DHX30: variants seen among roughly 807,000 people sequenced by gnomAD.
DHX30 encodes ATP-dependent RNA helicase DHX30.
DHX30 carries 4 observed loss-of-function variants against 116.9 expected under a neutral mutation model. The observed-to-expected ratio is 0.03, with a 90% CI of 0.02 to 0.08. DHX30 has a LOEUF of 0.08. DHX30 is among the 10% of genes least tolerant of loss of function. DHX30 has a pLI of 1.00. For missense variants in DHX30, 871 were observed against 1,595.1 expected, an observed-to-expected ratio of 0.55 and a Z score of 7.73; for synonymous variants, 697 against 651.7, an observed-to-expected ratio of 1.07 and a Z score of -1.06.
At chr3:47,839,126 G>T (rs528145887) in intron 6 of DHX30, among the ~76,000 whole-genome samples, 4 of 151,936 alleles carry the variant, frequency 2.6e-5, no homozygotes, top group African/African-American at 4.8e-5. Flanking sequence ...ATGTTGCTGC[G>T]TACATGCTAG....
At chr3:47,822,378 A>C (rs2036334891) in intron 4 of DHX30, 1 of 152,900 alleles carries the variant, frequency 6.5e-6, no homozygotes, top group East Asian at 1.9e-4. Context: ...TAAAGAAAAA[A>C]AGGTTTAATG....
In DHX30 at chr3:47,848,034, C is replaced by T. The variant is rs1559723256; in HGVS notation, c.2286+78C>T. ...GAGGTGGTCCCCAGCCCAGATCTACCTTAGACCTGCTTTGTGTGTCTTCAG... is the reference window on the plus strand; with the variant it reads ...GAGGTGGTCCCCAGCCCAGATCTACTTTAGACCTGCTTTGTGTGTCTTCAG... On this transcript the variant is annotated intron_variant, in intron 14 of 21. Coordinates refer to ENST00000445061, the MANE Select transcript of DHX30 (RefSeq NM_138615.3). The surrounding 1 kb of genome is among the most constrained non-coding windows in gnomAD (Gnocchi z 9.4). The T allele has an allele frequency of 6.3e-7, 1 of 1,590,442 alleles. No individual in the cohort carries two copies. Among genetic ancestry groups the T allele is most frequent in the Non-Finnish European group, 8.6e-7 (1 of 1,164,104 alleles).
chr3:47,824,330 T>C (rs1195107844), intron 4 of DHX30, among the ~76,000 whole-genome samples: 1 of 152,076 alleles, frequency 6.6e-6, no homozygotes, highest in East Asian at 1.9e-4. Context: ...TGCTGGACTT[T>C]ACGCTGGACC....
chr3:47,846,686 T>C lies in DHX30; in HGVS notation c.1614T>C (p.Gly538=). The change falls in exon 11 of 22, where the codon GGT becomes GGC. Residue 538 remains glycine, a synonymous_variant. Coordinates refer to ENST00000445061, the MANE Select transcript of DHX30 (RefSeq NM_138615.3). ...GGGCCCTGCTCTTCTGCACTGTGGG[T>C]ATCCTGCTGCGTAAGCTGCAGAGCA... ...RGGALLFCTV[G]ILLRKLQSNP... is the part of the protein sequence containing the mutation. 1 of 1,614,008 alleles carries C rather than the reference T, an allele frequency of 6.2e-7. No homozygotes were observed. Among genetic ancestry groups the C allele is most frequent in the Non-Finnish European group, 8.5e-7 (1 of 1,180,016 alleles).
At chr3:47,823,199 C>T (rs995450623) in intron 4 of DHX30, among the ~76,000 whole-genome samples, 1 of 151,798 alleles carries the variant, frequency 6.6e-6, no homozygotes, top group Non-Finnish European at 1.5e-5. Context: ...ATGGGAGAAA[C>T]CACCCCCATG....
At chr3:47,831,302 C>G (rs2107051573) in intron 6 of DHX30, among the ~76,000 whole-genome samples, 1 of 152,134 alleles carries the variant, frequency 6.6e-6, no homozygotes, top group Admixed American at 6.5e-5. Flanking sequence ...CCTGTGTGAA[C>G]TAACAGGGCA....
At chr3:47,841,843 C>CCCAAACCTAGGCCAGGTGGAGGAACT in intron 8 of DHX30, 106 bp downstream of exon 8, 2 of 1,520,782 alleles carry the variant, frequency 1.3e-6, no homozygotes, top group Non-Finnish European at 1.8e-6. Flanking sequence ...GTTCCTCCAG[C>CCCAAACCTAGGCCAGGTGGAGGAACT]CCAAACCTAG....
At chr3:47,808,238 A>G (rs1316531523) in intron 2 of DHX30, among the ~76,000 whole-genome samples, 2 of 148,038 alleles carry the variant, frequency 1.4e-5, no homozygotes, top group Non-Finnish European at 3.0e-5. Context: ...TTTAAGAGAG[A>G]CAGGGTCTTG....
chr3:47,848,587 G>T lies in DHX30; in HGVS notation c.2575+37G>T, dbSNP rs2037724845. On this transcript the variant is annotated intron_variant, in intron 16 of 21. Transcript: ENST00000445061. This position sits in a 1 kb window ranked among gnomAD's most constrained non-coding sequence, Gnocchi z 9.4. ...CTGGGCTGGGCTGGGCTGGGGAGTG[G>T]CTCTCGAGGGTGGTACTGACAGCTG... The T allele has an allele frequency of 6.2e-7, 1 of 1,614,040 alleles. No individual in the cohort carries two copies. Among genetic ancestry groups the T allele is most frequent in the South Asian group, 1.1e-5 (1 of 91,080 alleles).
chr3:47,828,463 CAAAAAA>C (rs541910100), intron 5 of DHX30, among the ~76,000 whole-genome samples: 2 of 52,180 alleles, frequency 3.8e-5, no homozygotes, highest in South Asian at 6.0e-4. Context: ...CTGTCCCCCA[CAAAAAA>C]AAAAAAAAAA....
intron 4 of DHX30, among the ~76,000 whole-genome samples, chr3:47,823,509 G>A (rs961064466): frequency 2.0e-5 from 3 of 151,748 alleles, no homozygotes; most frequent in Non-Finnish European, 4.4e-5. Flanking sequence ...GACTACAGGC[G>A]CGTGCCACCA....
intron 4 of DHX30, among the ~76,000 whole-genome samples, chr3:47,821,515 C>T (rs779067280): frequency 1.3e-5 from 2 of 150,724 alleles, no homozygotes; most frequent in South Asian, 2.1e-4. Flanking sequence ...GCAATCTGCC[C>T]GCTTCGGCCT....
In DHX30 at chr3:47,836,365, T is replaced by G. The variant is rs560926801; in HGVS notation, c.367-4512T>G. Among the ~76,000 whole-genome samples the G allele has an allele frequency of 5.3e-5, 8 of 151,812 alleles. No individual in the cohort carries two copies. The South Asian group carries it at 1.7e-3, about 32-fold the overall frequency. On this transcript the variant is annotated intron_variant, in intron 6 of 21. Coordinates refer to ENST00000445061, the MANE Select transcript of DHX30 (RefSeq NM_138615.3). ...GGCTGGTCTCAAAGTCTCCTGACCT[T>G]AGGTGATCCGCCTGCCTCTGCCTCC... is the stretch of plus-strand genomic sequence containing the variant.
At chr3:47,810,431 T>C (rs1183281654) in intron 2 of DHX30, among the ~76,000 whole-genome samples, 2 of 152,240 alleles carry the variant, frequency 1.3e-5, no homozygotes, top group African/African-American at 4.8e-5. Context: ...TGGGGAGTTT[T>C]AGGACAGGGA....
At position 47,827,517 on chromosome 3, in the gene DHX30, C is replaced by G. The variant is rs1466477874; in HGVS notation, c.255+40C>G. ...GGCAAGGAAAAACATTGGTATGACT[C>G]AGAAAGGAGGCTGTTTGTCCTTTCT... On this transcript the variant is annotated intron_variant, in intron 5 of 21. Coordinates refer to ENST00000445061, the MANE Select transcript of DHX30 (RefSeq NM_138615.3). 3 of 1,591,094 alleles carry G rather than the reference C, an allele frequency of 1.9e-6. No individual in the cohort carries two copies. In the Admixed American group the frequency reaches 5.4e-5, roughly 29 times the overall value.
chr3:47,832,750 C>T (rs2036918621), intron 6 of DHX30, among the ~76,000 whole-genome samples: 1 of 151,978 alleles, frequency 6.6e-6, no homozygotes, highest in Non-Finnish European at 1.5e-5. Flanking sequence ...GATCCTCCCA[C>T]CTCAGCCTCC....
chr3:47,804,435 A>C (rs1022242422), intron 1 of DHX30, among the ~76,000 whole-genome samples: 1 of 152,084 alleles, frequency 6.6e-6, no homozygotes, highest in Non-Finnish European at 1.5e-5. Context: ...TGCGCCTGTA[A>C]CCCTAGCTAC....
At chr3:47,809,043 C>T (rs570150376) in intron 2 of DHX30, among the ~76,000 whole-genome samples, 10 of 152,060 alleles carry the variant, frequency 6.6e-5, no homozygotes, top group South Asian at 2.1e-4. Context: ...CGCCTGCCAC[C>T]GTGCCTGGCT....
At chr3:47,827,750 C>T (rs2036610646) in intron 5 of DHX30, among the ~76,000 whole-genome samples, 2 of 152,274 alleles carry the variant, frequency 1.3e-5, no homozygotes, top group Admixed American at 1.3e-4. Flanking sequence ...CGACTAAGGA[C>T]TGCAGAGGGT....
Sources: allele counts gnomAD v4.1 joint callset (sites outside exome capture counted in the v4.1 genomes callset), GRCh38; gene constraint gnomAD v4.1.1; non-coding constraint Gnocchi (gnomAD v3.1); transcripts MANE v1.5; gene names NCBI Gene and HGNC (gene_info 2026-07-23, HGNC 2026-07-21).